The following MAP6 variants were observed in gnomAD, a reference collection of about 807,000 sequenced individuals.
The protein encoded by MAP6 is microtubule-associated protein 6.
In MAP6, 26 loss-of-function variants were observed where a neutral mutation model predicts 42.4. The observed-to-expected ratio is 0.61, with a 90% CI of 0.45 to 0.85. MAP6 has a LOEUF of 0.85. Among genes scored for constraint, MAP6 ranks in the 40% least tolerant of loss-of-function variants. The pLI is 0.00. For missense variants in MAP6, 966 were observed against 1,099.0 expected, an observed-to-expected ratio of 0.88 and a Z score of 1.71; for synonymous variants, 418 against 443.8, an observed-to-expected ratio of 0.94 and a Z score of 0.73.
chr11:75,600,715 G>T (rs957812081), intron 3 of MAP6, among the ~76,000 whole-genome samples: 1 of 152,178 alleles, frequency 6.6e-6, no homozygotes, highest in Non-Finnish European at 1.5e-5. Context: ...AATGTGAACT[G>T]CTTTGAGACA....
At chr11:75,603,181 T>G in intron 3 of MAP6, 1 of 985,490 alleles carries the variant, frequency 1.0e-6, no homozygotes, top group Non-Finnish European at 1.2e-6. Context: ...TGCGCAGCTC[T>G]TGGGGCTGCT....
At chr11:75,626,639 G>A (rs547620803) in intron 1 of MAP6, among the ~76,000 whole-genome samples, 2 of 152,140 alleles carry the variant, frequency 1.3e-5, no homozygotes, top group Non-Finnish European at 2.9e-5. Flanking sequence ...TTATAATATC[G>A]GTACCCTTTA....
intron 1 of MAP6, among the ~76,000 whole-genome samples, chr11:75,665,101 A>T (rs1462123779): frequency 6.6e-6 from 1 of 152,182 alleles, no homozygotes. Context: ...GTGTTCAAAG[A>T]TTTTTTTGAC....
chr11:75,605,799 G>A lies in MAP6; in HGVS notation c.1316+9C>T. On this transcript the variant is annotated intron_variant, in intron 3 of 3. Transcript: ENST00000304771. ...GAGAAGAGTAAAAGGAAAGTGCAGG[G>A]AAATTTACTCTTTCGCCTCAGCCAG... The A allele has an allele frequency of 6.2e-7, 1 of 1,613,892 alleles. No individual in the cohort carries two copies. Among genetic ancestry groups the A allele is most frequent in the East Asian group, 2.2e-5 (1 of 44,874 alleles).
intron 1 of MAP6, among the ~76,000 whole-genome samples, chr11:75,655,567 G>C (rs1187993807): frequency 6.6e-6 from 1 of 152,242 alleles, no homozygotes; most frequent in Non-Finnish European, 1.5e-5. Context: ...TGCACACCCA[G>C]ATGCCTGGGC....
At chr11:75,645,876 A>C (rs192900558) in intron 1 of MAP6, among the ~76,000 whole-genome samples, 154 of 152,188 alleles carry the variant, frequency 1.0e-3, no homozygotes, top group Non-Finnish European at 1.9e-3. Flanking sequence ...AAGATATATG[A>C]AAAATAAGGA....
intron 1 of MAP6, among the ~76,000 whole-genome samples, chr11:75,641,819 A>T (rs1943475977): frequency 6.6e-6 from 1 of 152,158 alleles, no homozygotes; most frequent in Non-Finnish European, 1.5e-5. Flanking sequence ...GCTCTACTTC[A>T]TCTAGCAGAA....
chr11:75,600,869 G>A (rs1942653486), intron 3 of MAP6, among the ~76,000 whole-genome samples: 1 of 152,202 alleles, frequency 6.6e-6, no homozygotes, highest in Admixed American at 6.5e-5. Context: ...ACAAAAGAGG[G>A]AAGAATTTCA....
chr11:75,614,433 T>C (rs1247336692), intron 1 of MAP6, among the ~76,000 whole-genome samples: 2 of 152,204 alleles, frequency 1.3e-5, no homozygotes, highest in African/African-American at 4.8e-5. Flanking sequence ...TGGTGGTGCA[T>C]GACTTCTGAG....
In MAP6 at chr11:75,668,926, C is replaced by G. The variant is rs1944012279; in HGVS notation, c.-557G>C. ...CTGCCCGCGAGGATGCCGCAGCCGC[C>G]GCCGCCACCGCCTCTTCTCCTGGGA... On this transcript the variant is annotated 5_prime_UTR_variant, in exon 1 of 4. Coordinates refer to ENST00000304771, the MANE Select transcript of MAP6 (RefSeq NM_033063.2). 1 of 167,464 alleles carries G rather than the reference C, an allele frequency of 6.0e-6. No homozygotes were observed. 10.4% of individuals were successfully genotyped at this position (167,464 alleles called of 1,614,324 possible).
rs529460380 is a variant in MAP6, at chr11:75,607,418, G to A, written c.1119+691C>T. On this transcript the variant is annotated intron_variant, in intron 2 of 3. Coordinates refer to ENST00000304771, the MANE Select transcript of MAP6 (RefSeq NM_033063.2). ...AGATTGCATGGCTTATATGATTCCT[G>A]CTTCACCAGCTATATCTCCAACATG... 5.1e-6 allele frequency: 5 copies of A among 985,408 alleles called. No homozygotes were observed. The African/African-American group carries it at 8.7e-5, about 17-fold the overall frequency. 61.0% of individuals were successfully genotyped at this position (985,408 alleles called of 1,614,324 possible). A position where few individuals can be genotyped will look rare whatever the true frequency, so the allele number is the denominator to read the frequency against.
At chr11:75,614,865 C>T (rs1042731378) in intron 1 of MAP6, among the ~76,000 whole-genome samples, 1 of 152,176 alleles carries the variant, frequency 6.6e-6, no homozygotes, top group Non-Finnish European at 1.5e-5. Context: ...ACAGAAAATA[C>T]TGGTGTAAGC....
chr11:75,628,921 C>A (rs964505234), intron 1 of MAP6, among the ~76,000 whole-genome samples: 4 of 152,220 alleles, frequency 2.6e-5, no homozygotes, highest in African/African-American at 7.2e-5. Flanking sequence ...TTTGCTTGAT[C>A]TAATTTAATC....
chr11:75,668,240 G>A lies in MAP6; in HGVS notation c.130C>T (p.Pro44Ser), dbSNP rs772604171. Residue 44 changes from proline (P) to serine (S), a missense_variant, in exon 1 of 4, where the codon CCG becomes TCG. By Grantham distance (74) the Pro-to-Ser change is moderately conservative. Around this residue, in one of 2 missense-constraint regions of MAP6, gnomAD observed 943 missense variants for 1,049.9 expected, o/e 0.90. Coordinates refer to ENST00000304771, the MANE Select transcript of MAP6 (RefSeq NM_033063.2). ...TGCTGCTGCGGCGGCGGTGGCTGCG[G>A]CGGGGCGCCCGGGTGCTCGGTGGCC... ...SEATEHPGAP[P>S]QPPPPQQQAQ... The A allele has an allele frequency of 6.3e-6, 9 of 1,423,648 alleles. No homozygotes were observed. The South Asian group carries it at 6.6e-5, about 10-fold the overall frequency. 88.2% of individuals were successfully genotyped at this position (1,423,648 alleles called of 1,614,324 possible).
chr11:75,640,239 C>T (rs1158207592), intron 1 of MAP6, among the ~76,000 whole-genome samples: 1 of 150,112 alleles, frequency 6.7e-6, no homozygotes, highest in African/African-American at 2.5e-5. Flanking sequence ...TCTCACACGT[C>T]TTTCCCTAGA....
intron 1 of MAP6, among the ~76,000 whole-genome samples, chr11:75,627,513 A>T (rs1943217262): frequency 1.3e-5 from 2 of 152,144 alleles, no homozygotes; most frequent in Admixed American, 1.3e-4. Context: ...AAACAGTAGG[A>T]GGAGGGAGGG....
At chr11:75,604,623 A>C in intron 3 of MAP6, 1 of 985,308 alleles carries the variant, frequency 1.0e-6, no homozygotes, top group South Asian at 4.7e-5. Context: ...CAACTCCCTG[A>C]CTAATTCCTA....
chr11:75,610,664 C>T (rs1942881081), intron 1 of MAP6, among the ~76,000 whole-genome samples: 1 of 152,108 alleles, frequency 6.6e-6, no homozygotes, highest in African/African-American at 2.4e-5. Context: ...ATTTTGAGAG[C>T]AGTGTGAATG....
intron 1 of MAP6, among the ~76,000 whole-genome samples, chr11:75,651,703 C>T (rs1430544713): frequency 6.6e-6 from 1 of 152,190 alleles, no homozygotes; most frequent in Non-Finnish European, 1.5e-5. Flanking sequence ...ACATGTACAT[C>T]AGCTTCCCAT....
Sources: allele counts gnomAD v4.1 joint callset (sites outside exome capture counted in the v4.1 genomes callset), GRCh38; gene constraint gnomAD v4.1.1; regional missense constraint gnomAD v4.1.1; transcripts MANE v1.5; gene names NCBI Gene and HGNC (gene_info 2026-07-23, HGNC 2026-07-21).